The following ENAH variants were observed in gnomAD, a reference collection of about 807,000 sequenced individuals.
ENAH encodes protein enabled homolog.
Under a neutral mutation model 78.7 loss-of-function variants are expected in ENAH, and 23 were observed. The observed-to-expected ratio is 0.29, with a 90% CI of 0.21 to 0.41. The LOEUF is 0.41. ENAH is among the 10% of genes least tolerant of loss of function. The pLI is 1.00. For missense variants in ENAH, 544 were observed against 691.0 expected (o/e 0.79, Z 2.39); for synonymous variants, 226 against 241.0 (o/e 0.94, Z 0.58).
At chr1:225,614,960 A>G (rs1292156924) in intron 1 of ENAH, among the ~76,000 whole-genome samples, 1 of 151,974 alleles carries the variant, frequency 6.6e-6, no homozygotes, top group African/African-American at 2.4e-5. Context: ...ACAAATCCTT[A>G]AGAGTAATAC....
At chr1:225,573,764 A>G (rs1415242555) in intron 1 of ENAH, among the ~76,000 whole-genome samples, 2 of 152,360 alleles carry the variant, frequency 1.3e-5, no homozygotes, top group African/African-American at 4.8e-5. Flanking sequence ...TAGCATTTTA[A>G]TGATACTCCC....
At chr1:225,628,427 G>T (rs530895167) in intron 1 of ENAH, among the ~76,000 whole-genome samples, 1 of 152,158 alleles carries the variant, frequency 6.6e-6, no homozygotes, top group South Asian at 2.1e-4. Context: ...CAAAATCCCT[G>T]TAAACCACAT....
At chr1:225,563,933 G>T (rs1160354805) in intron 2 of ENAH, among the ~76,000 whole-genome samples, 1 of 152,182 alleles carries the variant, frequency 6.6e-6, no homozygotes, top group South Asian at 2.1e-4. Context: ...ATGATTGTAG[G>T]TCTATCACGT....
intron 1 of ENAH, among the ~76,000 whole-genome samples, chr1:225,568,168 A>G (rs1402226372): frequency 6.6e-6 from 1 of 152,210 alleles, no homozygotes; most frequent in East Asian, 1.9e-4. Context: ...TCTGTCATAG[A>G]ATCTTTAAAC....
chr1:225,545,442 T>G (rs533947431), intron 3 of ENAH, among the ~76,000 whole-genome samples: 1 of 152,352 alleles, frequency 6.6e-6, no homozygotes, highest in Non-Finnish European at 1.5e-5. Flanking sequence ...TATCATTATT[T>G]ACTGTACTAA....
intron 4 of ENAH, among the ~76,000 whole-genome samples, chr1:225,526,402 G>A (rs1377159316): frequency 7.4e-5 from 11 of 149,536 alleles, no homozygotes; most frequent in Admixed American, 5.4e-4. Context: ...GCAATGGCAC[G>A]ATCTCAGCTC....
chr1:225,522,933 AC>A (rs974406254), intron 4 of ENAH, among the ~76,000 whole-genome samples: 4 of 152,184 alleles, frequency 2.6e-5, no homozygotes, highest in African/African-American at 9.7e-5. Context: ...TTTTACCAAA[AC>A]AACATAAATA....
At chr1:225,543,281 G>A (rs1270061313) in intron 3 of ENAH, among the ~76,000 whole-genome samples, 1 of 152,138 alleles carries the variant, frequency 6.6e-6, no homozygotes, top group Non-Finnish European at 1.5e-5. Context: ...GAGTATTTCT[G>A]AATAGGAAAA....
chr1:225,491,089 T>C lies in ENAH; in HGVS notation c.*6686A>G, dbSNP rs1363681460. The C allele has an allele frequency of 6.6e-6, 1 of 152,188 alleles. No individual in the cohort carries two copies. The highest frequency in any genetic ancestry group is 1.5e-5 in the Non-Finnish European group (1 of 68,032). The allele number at this position is 152,188 out of a possible 1,614,324, so 9.4% of individuals were successfully genotyped here. On this transcript the variant is annotated 3_prime_UTR_variant, in exon 14 of 14. Coordinates refer to ENST00000366843, the MANE Select transcript of ENAH (RefSeq NM_018212.6). ...AGAACCAACCAAGTGACACCTGAGA[T>C]CAACTGGTAGTAATAATGAAAAGCT...
At position 225,495,552 on chromosome 1, in the gene ENAH, A is replaced by G. The variant is rs764061201; in HGVS notation, c.*2223T>C. The G allele has an allele frequency of 2.3e-5, 3 of 129,318 alleles. No homozygotes were observed. Among genetic ancestry groups the G allele is most frequent in the Non-Finnish European group, 4.7e-5 (3 of 63,796 alleles). The allele number at this position is 129,318 out of a possible 1,614,324, so 8.0% of individuals were successfully genotyped here. ...TTAGTGCATAAACCCAGTTTCTTTT[A>G]AGATTTAGCATTTTATTTTAGTCTC... On this transcript the variant is annotated 3_prime_UTR_variant, in exon 14 of 14. Coordinates refer to ENST00000366843, the MANE Select transcript of ENAH (RefSeq NM_018212.6).
At chr1:225,631,119 T>C (rs1026750211) in intron 1 of ENAH, among the ~76,000 whole-genome samples, 2 of 152,142 alleles carry the variant, frequency 1.3e-5, no homozygotes, top group African/African-American at 4.8e-5. Context: ...AATGAGCATG[T>C]GGTGAAAAGG....
At chr1:225,555,791 A>C (rs775855391) in intron 2 of ENAH, among the ~76,000 whole-genome samples, 21 of 152,294 alleles carry the variant, frequency 1.4e-4, no homozygotes, top group Admixed American at 2.6e-4. Flanking sequence ...ACCTCCCAAA[A>C]GGTACTAGCC....
chr1:225,539,573 ATAAT>A (rs2096579315), intron 3 of ENAH, among the ~76,000 whole-genome samples: 1 of 152,144 alleles, frequency 6.6e-6, no homozygotes, highest in African/African-American at 2.4e-5. Flanking sequence ...TGATACTTTA[ATAAT>A]TAACCCAAAT....
chr1:225,519,569 GAAAA>G lies in ENAH; in HGVS notation c.435-8_435-5del, dbSNP rs34432111. On this transcript the variant is annotated splice_region_variant and splice_polypyrimidine_tract_variant and intron_variant, in intron 4 of 13. Coordinates refer to ENST00000366843, the MANE Select transcript of ENAH (RefSeq NM_018212.6). ...CCGTTGCTGTTCTTGTAGTTGTCTG[GAAAA>G]AAAAAAAAAAAAGTAAAAACATGCA... is the stretch of plus-strand genomic sequence containing the variant. 2.5e-5 allele frequency: 37 copies of G among 1,492,258 alleles called. No homozygotes were observed. The highest frequency in any genetic ancestry group is 4.4e-5 in the Admixed American group (2 of 45,106). 92.4% of individuals were successfully genotyped at this position (1,492,258 alleles called of 1,614,324 possible).
At chr1:225,549,545 G>A (rs925724173) in intron 3 of ENAH, among the ~76,000 whole-genome samples, 2 of 152,198 alleles carry the variant, frequency 1.3e-5, no homozygotes, top group African/African-American at 4.8e-5. Flanking sequence ...CCACTGTCTA[G>A]CTGTGGGTCC....
In ENAH at chr1:225,619,894, T is replaced by TA. The variant is rs201671093; in HGVS notation, c.5+32791dup. On this transcript the variant is annotated intron_variant, in intron 1 of 13. Coordinates refer to ENST00000366843, the MANE Select transcript of ENAH (RefSeq NM_018212.6). The stretch of plus-strand genomic sequence containing the variant: ...AATAAATTTTAAAAATTCACTAAGC[T>TA]AAAAAAAAATGTCTGGTGATAATTA... 7.0e-3 allele frequency among the ~76,000 whole-genome samples: 1,057 copies of TA among 150,796 alleles called. 20 individuals are homozygous for TA. Among genetic ancestry groups the TA allele is most frequent in the South Asian group, 0.054 (259 of 4,756 alleles).
In ENAH at chr1:225,517,413, G is replaced by A. The variant is rs947773952; in HGVS notation, c.803-107C>T. 6 of 1,551,686 alleles carry A rather than the reference G, an allele frequency of 3.9e-6. No individual in the cohort carries two copies. In the African/African-American group the frequency reaches 8.2e-5, roughly 21 times the overall value. ...ATCCACAGTGTGAGAGTGATGCGAG[G>A]GAAGGCAGTGGAGGCGGCGGCGGAG... is the stretch of plus-strand genomic sequence containing the variant. On this transcript the variant is annotated intron_variant, in intron 5 of 13. Transcript: ENST00000366843.
rs1006764847 is a variant in ENAH, at chr1:225,563,073, T to G, written c.171+4176A>C. Among the ~76,000 whole-genome samples, 9 of 152,286 alleles carry G rather than the reference T, an allele frequency of 5.9e-5. No individual in the cohort carries two copies. The South Asian group carries it at 1.7e-3, about 28-fold the overall frequency. On this transcript the variant is annotated intron_variant, in intron 2 of 13. Transcript: ENST00000366843. ...GTTTCCTTAAGTATCATTATATTAA[T>G]AAAATTATATTTTCTAATCGTTTAT...
intron 1 of ENAH, among the ~76,000 whole-genome samples, chr1:225,646,668 G>A (rs574231526): frequency 5.3e-5 from 8 of 151,342 alleles, no homozygotes; most frequent in Non-Finnish European, 1.2e-4. Flanking sequence ...AGGCGCCTGT[G>A]GTCCCACCTG....
Sources: gnomAD v4.1 joint callset for allele counts (sites outside exome capture counted in the v4.1 genomes callset) on GRCh38, gnomAD v4.1.1 for gene constraint, MANE v1.5 for transcripts, NCBI Gene and HGNC (gene_info 2026-07-23, HGNC 2026-07-21) for gene names.